CYRIB: variants seen among roughly 807,000 people sequenced by gnomAD.
CYRIB encodes the protein CYFIP related Rac1 interactor B.
CYRIB carries 8 observed loss-of-function variants against 44.2 expected under a neutral mutation model. That is an observed-to-expected ratio of 0.18 (90% CI 0.11 to 0.33). The LOEUF (loss-of-function observed/expected upper bound fraction) is 0.33. Among genes scored for constraint, CYRIB ranks in the 10% least tolerant of loss-of-function variants. The probability of loss-of-function intolerance (pLI) is 1.00; values close to 1 mark genes in which losing one functional copy is unlikely to be tolerated. For missense variants in CYRIB, 185 were observed against 382.8 expected (o/e 0.48, Z 4.31); for synonymous variants, 131 against 127.2 (o/e 1.03, Z -0.20).
chr8:129,896,672 C>G (rs938781177), intron 2 of CYRIB: 33 of 152,210 alleles, frequency 2.2e-4, no homozygotes, highest in African/African-American at 8.0e-4. Flanking sequence ...TGCCACCCAC[C>G]TCCCCAGAGT....
chr8:129,903,541 G>A (rs1303377697), intron 1 of CYRIB, among the ~76,000 whole-genome samples, 191 bp from the exon 4 acceptor site: 2 of 152,064 alleles, frequency 1.3e-5, no homozygotes, highest in Non-Finnish European at 2.9e-5. Context: ...TTTAGAGTAA[G>A]GCATCATATT....
At chr8:129,989,478 G>A (rs1269190374) in intron 1 of CYRIB, among the ~76,000 whole-genome samples, 6 of 152,054 alleles carry the variant, frequency 3.9e-5, no homozygotes, top group Non-Finnish European at 5.9e-5. Flanking sequence ...AAATCAACAC[G>A]TAAGGGGCAC....
chr8:129,871,542 T>C, intron 3 of CYRIB, 46 bp from the exon 6 acceptor site: 1 of 1,596,316 alleles, frequency 6.3e-7, no homozygotes, highest in Non-Finnish European at 8.5e-7. Context: ...ACATGAATTT[T>C]TTAAAATACA....
At chr8:129,913,058 G>A (rs559336891) in intron 1 of CYRIB, among the ~76,000 whole-genome samples, 2 of 145,084 alleles carry the variant, frequency 1.4e-5, no homozygotes, top group African/African-American at 5.1e-5. Context: ...TGCAAGCTCC[G>A]CCTCCTGGGA....
In CYRIB at chr8:129,846,793, C is replaced by T; in HGVS notation, c.911+11G>A. 2 of 1,581,600 alleles carry T rather than the reference C, an allele frequency of 1.3e-6. No individual in the cohort carries two copies. The highest frequency in any genetic ancestry group is 1.7e-4 in the Middle Eastern group (1 of 6,002). On this transcript the variant is annotated intron_variant, in intron 11 of 11. Coordinates refer to ENST00000519824, the Ensembl canonical transcript of CYRIB. ...TTTTTTCTGTACATACGTACACGTA[C>T]ATATACACACCTGAGAGCATTTAGA...
At chr8:129,891,222 T>C (rs557012843) in intron 2 of CYRIB, among the ~76,000 whole-genome samples, 126 of 152,362 alleles carry the variant, frequency 8.3e-4, no homozygotes, top group African/African-American at 2.8e-3. Context: ...TTGCTGCTTC[T>C]TGTGGTTTCT....
chr8:129,841,365 C>T (rs1340121850), exon 12 of CYRIB: 3 of 152,410 alleles, frequency 2.0e-5, no homozygotes, highest in South Asian at 2.1e-4. Context: ...CGGCTCTCCC[C>T]TAAAAGAAGA....
At chr8:129,886,851 C>T (rs1037035046) in intron 2 of CYRIB, among the ~76,000 whole-genome samples, 2 of 152,116 alleles carry the variant, frequency 1.3e-5, no homozygotes, top group Non-Finnish European at 2.9e-5. Context: ...TCACTTCCTG[C>T]TAGGGTTGCT....
chr8:129,935,353 A>G (rs2092601490), intron 1 of CYRIB, among the ~76,000 whole-genome samples: 1 of 152,236 alleles, frequency 6.6e-6, no homozygotes, highest in Admixed American at 6.5e-5. Context: ...TTCCACGGAC[A>G]GGGCGACAGG....
chr8:129,977,479 A>G (rs1219349469), intron 1 of CYRIB, among the ~76,000 whole-genome samples: 1 of 152,084 alleles, frequency 6.6e-6, no homozygotes, highest in Non-Finnish European at 1.5e-5. Flanking sequence ...AAATGATCAC[A>G]CATGGGCCAA....
chr8:129,948,082 C>T (rs1469332208), intron 2 of CYRIB: 1 of 152,212 alleles, frequency 6.6e-6, no homozygotes. Context: ...CCATTCACCA[C>T]CTGGAGTTAT....
chr8:129,883,365 G>A (rs542634673), intron 2 of CYRIB, among the ~76,000 whole-genome samples: 6 of 151,898 alleles, frequency 4.0e-5, no homozygotes, highest in African/African-American at 1.2e-4. Context: ...AAAATCACCC[G>A]ACTGAGAATC....
intron 1 of CYRIB, among the ~76,000 whole-genome samples, chr8:130,014,030 C>T (rs931965727): frequency 2.0e-5 from 3 of 152,182 alleles, no homozygotes; most frequent in African/African-American, 7.2e-5. Context: ...CCTCAATCTG[C>T]CCCTTCCTGA....
chr8:129,893,254 C>T (rs1188254113), intron 2 of CYRIB, among the ~76,000 whole-genome samples: 3 of 152,140 alleles, frequency 2.0e-5, no homozygotes, highest in Non-Finnish European at 4.4e-5. Context: ...TGGTGGTAGT[C>T]GTTTTAAATC....
At chr8:129,956,029 T>A (rs549478996) in intron 2 of CYRIB, among the ~76,000 whole-genome samples, 1 of 152,302 alleles carries the variant, frequency 6.6e-6, no homozygotes, top group African/African-American at 2.4e-5. Context: ...AGCAGCCCCA[T>A]CTTTCTCATT....
intron 1 of CYRIB, among the ~76,000 whole-genome samples, chr8:129,987,457 G>C (rs1224551831): frequency 6.6e-6 from 1 of 151,880 alleles, no homozygotes; most frequent in Non-Finnish European, 1.5e-5. Flanking sequence ...AAGTCCCCAA[G>C]CCCTCCATTC....
rs906213929 is a variant in CYRIB at position 129,925,690 on chromosome 8, C to T, written c.-50+13918G>A. 3.9e-5 allele frequency among the ~76,000 whole-genome samples: 6 copies of T among 152,334 alleles called. No homozygotes were observed. In the East Asian group the frequency reaches 1.2e-3, roughly 29 times the overall value. On this transcript the variant is annotated intron_variant, in intron 1 of 11. Coordinates refer to ENST00000519824, the Ensembl canonical transcript of CYRIB. ...AGCAACCTTGCTTTCTTTTGCTGTG[C>T]TGCCAAAGCAGATAGTCTCTCTTTC...
intron 2 of CYRIB, among the ~76,000 whole-genome samples, chr8:129,896,499 T>C (rs1466895022): frequency 2.0e-5 from 3 of 152,244 alleles, no homozygotes; most frequent in African/African-American, 4.8e-5. Flanking sequence ...TAATCTTCAA[T>C]GGTGTTTCCC....
At chr8:129,994,573 G>C (rs2096725636) in intron 1 of CYRIB, among the ~76,000 whole-genome samples, 1 of 152,206 alleles carries the variant, frequency 6.6e-6, no homozygotes, top group Non-Finnish European at 1.5e-5. Context: ...CTACCTCCCA[G>C]AATGGGAGGC....
Sources: allele counts gnomAD v4.1 joint callset (sites outside exome capture counted in the v4.1 genomes callset), GRCh38; gene constraint gnomAD v4.1.1; transcripts MANE v1.5; gene names NCBI Gene and HGNC (gene_info 2026-07-23, HGNC 2026-07-21).